FAR2: variants seen among roughly 807,000 people sequenced by gnomAD.
FAR2 encodes fatty acyl-CoA reductase 2, also known as epididymis secretory protein Li 81.
Under a neutral mutation model 56.0 loss-of-function variants are expected in FAR2, and 19 were observed. The observed-to-expected ratio is 0.34, with a 90% CI of 0.24 to 0.50. The LOEUF (loss-of-function observed/expected upper bound fraction) is 0.50. Ranked by LOEUF, FAR2 falls within the 20% of genes least tolerant of loss-of-function variation. The pLI is 0.98. For synonymous variants in FAR2, 219 were observed against 218.8 expected (o/e 1.00, Z -0.01); for missense variants, 508 against 642.2 (o/e 0.79, Z 2.26).
chr12:29,333,389 G>C (rs1949758668), intron 11 of FAR2: 1 of 443,466 alleles, frequency 2.3e-6, no homozygotes, highest in African/African-American at 2.0e-5. Context: ...AGTCATGCTT[G>C]TAAATAGTTT....
chr12:29,263,043 A>C (rs1228098513), intron 1 of FAR2, among the ~76,000 whole-genome samples: 1 of 152,216 alleles, frequency 6.6e-6, no homozygotes, highest in Non-Finnish European at 1.5e-5. Context: ...AACTATGAGA[A>C]GAGACAAAGA....
intron 4 of FAR2, among the ~76,000 whole-genome samples, chr12:29,299,069 T>C (rs377606398): frequency 6.6e-6 from 1 of 151,912 alleles, no homozygotes; most frequent in East Asian, 1.9e-4. Context: ...AAAAATTAGC[T>C]AGGTGTGGTG....
At chr12:29,158,339 T>C (rs1433863604) in intron 1 of FAR2, among the ~76,000 whole-genome samples, 1 of 152,242 alleles carries the variant, frequency 6.6e-6, no homozygotes, top group Non-Finnish European at 1.5e-5. Context: ...CTTGTTCTTT[T>C]ACCAAAGAGT....
At chr12:29,329,577 T>A (rs1338199581) in intron 10 of FAR2, among the ~76,000 whole-genome samples, 1 of 152,136 alleles carries the variant, frequency 6.6e-6, no homozygotes, top group Non-Finnish European at 1.5e-5. Flanking sequence ...TTAAACACTA[T>A]AAAAATAAAA....
rs1460374186 is a variant in FAR2, at chr12:29,172,067, GCGCCTCTGCC to G, written c.-39+22662_-39+22671del. The stretch of plus-strand genomic sequence containing the variant: ...CCACCAACTGTCTGGGAAGTGAGGA[GCGCCTCTGCC>G]CAGCCACCAACTGTCTGGGAAGTGA... On this transcript the variant is annotated intron_variant, in intron 1 of 11. Coordinates refer to ENST00000536681, the MANE Select transcript of FAR2 (RefSeq NM_001271783.2). The G allele has an allele frequency of 2.7e-5, 4 of 150,112 alleles. No individual in the cohort carries two copies. In the East Asian group the frequency reaches 6.0e-4, roughly 22 times the overall value. 9.3% of individuals were successfully genotyped at this position (150,112 alleles called of 1,614,324 possible).
chr12:29,253,311 ATATC>A (rs1653184319), intron 1 of FAR2, among the ~76,000 whole-genome samples: 1 of 150,910 alleles, frequency 6.6e-6, no homozygotes, highest in South Asian at 2.1e-4. Flanking sequence ...AGATATCTAT[ATATC>A]TATATCTATC....
chr12:29,162,644 GA>G (rs1472972263), intron 1 of FAR2, among the ~76,000 whole-genome samples: 2 of 152,136 alleles, frequency 1.3e-5, no homozygotes, highest in Non-Finnish European at 2.9e-5. Context: ...GGTTATTGGT[GA>G]AAAAAATTAA....
chr12:29,333,807 A>T lies in FAR2; in HGVS notation c.*13A>T. Reference sequence around the variant, plus strand: ...GCTCAAAGTTTAAGAGCATTTAGCCATCGCTTTTTATCTGGAACCTCTCAG... The same window carrying T: ...GCTCAAAGTTTAAGAGCATTTAGCCTTCGCTTTTTATCTGGAACCTCTCAG... On this transcript the variant is annotated 3_prime_UTR_variant, in exon 12 of 12. Coordinates refer to ENST00000536681, the MANE Select transcript of FAR2 (RefSeq NM_001271783.2). The T allele has an allele frequency of 6.2e-7, 1 of 1,611,122 alleles. No individual in the cohort carries two copies. Among genetic ancestry groups the T allele is most frequent in the South Asian group, 1.1e-5 (1 of 90,618 alleles).
rs28562935 is a variant in FAR2 at position 29,199,616 on chromosome 12, G to A, written c.-39+50209G>A. On this transcript the variant is annotated intron_variant, in intron 1 of 11. Transcript: ENST00000536681. The stretch of plus-strand genomic sequence containing the variant: ...CCCCGTCTCAAAAAAAAAAAAAAAA[G>A]AAAGAAAAGAAACAAACAAACAAAA... 6.4e-3 allele frequency among the ~76,000 whole-genome samples: 908 copies of A among 141,632 alleles called. 48 individuals carry two copies. The highest frequency in any genetic ancestry group is 9.8e-3 in the Non-Finnish European group (646 of 66,236). 92.9% of individuals were successfully genotyped at this position (141,632 alleles called of 152,430 possible). A position where few individuals can be genotyped will look rare whatever the true frequency, so the allele number is the denominator to read the frequency against.
chr12:29,323,910 G>A (rs548901240), intron 10 of FAR2, among the ~76,000 whole-genome samples: 7 of 152,198 alleles, frequency 4.6e-5, no homozygotes, highest in Non-Finnish European at 8.8e-5. Context: ...TGACTTTGAC[G>A]AGTTGAGAGA....
chr12:29,230,337 A>T (rs1189959905), intron 1 of FAR2, among the ~76,000 whole-genome samples: 1 of 151,670 alleles, frequency 6.6e-6, no homozygotes, highest in East Asian at 2.0e-4. Flanking sequence ...GGGTAGGGGG[A>T]GGAGTGAGGG....
At chr12:29,238,129 T>C (rs757732809) in intron 1 of FAR2, among the ~76,000 whole-genome samples, 4 of 152,162 alleles carry the variant, frequency 2.6e-5, no homozygotes, top group Non-Finnish European at 4.4e-5. Flanking sequence ...TTTGGGTATA[T>C]TATCAAAGGA....
intron 1 of FAR2, among the ~76,000 whole-genome samples, chr12:29,242,285 T>G (rs938044772): frequency 1.3e-5 from 2 of 152,218 alleles, no homozygotes; most frequent in Non-Finnish European, 2.9e-5. Context: ...CACTTCTCTT[T>G]TTGACCTCTG....
intron 1 of FAR2, among the ~76,000 whole-genome samples, chr12:29,198,425 C>T (rs1950159030): frequency 6.6e-6 from 1 of 152,040 alleles, no homozygotes; most frequent in African/African-American, 2.4e-5. Flanking sequence ...GACAGGGTTT[C>T]ACCACGTTGG....
At chr12:29,238,738 A>G (rs916031420) in intron 1 of FAR2, among the ~76,000 whole-genome samples, 1 of 152,182 alleles carries the variant, frequency 6.6e-6, no homozygotes, top group Non-Finnish European at 1.5e-5. Flanking sequence ...TATGCTTTAT[A>G]TATTTCAACC....
intron 1 of FAR2, among the ~76,000 whole-genome samples, chr12:29,256,299 C>A (rs777695554): frequency 1.3e-5 from 2 of 152,110 alleles, no homozygotes; most frequent in Admixed American, 1.3e-4. Flanking sequence ...GGAATCCTCC[C>A]GGCTCAGCCT....
intron 1 of FAR2, among the ~76,000 whole-genome samples, chr12:29,234,291 C>T (rs769144620): frequency 3.9e-5 from 6 of 152,114 alleles, no homozygotes; most frequent in Non-Finnish European, 8.8e-5. Flanking sequence ...TCTTTTTCAG[C>T]AGACCCGATA....
intron 1 of FAR2, among the ~76,000 whole-genome samples, chr12:29,266,097 A>G (rs1948511731): frequency 1.3e-5 from 2 of 152,182 alleles, no homozygotes; most frequent in Admixed American, 6.5e-5. Flanking sequence ...ACTACAGATA[A>G]CAGTTTGGAG....
intron 1 of FAR2, among the ~76,000 whole-genome samples, chr12:29,245,422 T>C (rs1237253407): frequency 6.6e-6 from 1 of 152,232 alleles, no homozygotes; most frequent in South Asian, 2.1e-4. Flanking sequence ...ACATCTGCTT[T>C]ATTTATGTGT....
Sources: gnomAD v4.1 joint callset for allele counts (sites outside exome capture counted in the v4.1 genomes callset) on GRCh38, gnomAD v4.1.1 for gene constraint, MANE v1.5 for transcripts, NCBI Gene and HGNC (gene_info 2026-07-23, HGNC 2026-07-21) for gene names.